SPAG16: variants seen among roughly 807,000 people sequenced by gnomAD.
SPAG16 encodes sperm associated antigen 16.
Under a neutral mutation model 80.4 loss-of-function variants are expected in SPAG16, and 86 were observed. The ratio of observed to expected loss-of-function variants is 1.07; its 90% CI spans 0.90 to 1.28. The LOEUF is 1.28. Among genes scored for constraint, SPAG16 ranks in the 50% most tolerant of loss-of-function variants. SPAG16 has a pLI of 0.00. For missense variants in SPAG16, 870 were observed against 765.3 expected (o/e 1.14, Z -1.61); for synonymous variants, 294 against 265.9 (o/e 1.11, Z -1.03).
rs2077254195 is a variant in SPAG16, at chr2:213,902,370, T to C, written c.1215-27590T>C. 2.0e-5 allele frequency among the ~76,000 whole-genome samples: 3 copies of C among 152,312 alleles called. 1 individual carries two copies. The highest frequency in any genetic ancestry group is 7.2e-5 in the African/African-American group (3 of 41,564). Reference sequence around the variant, plus strand: ...GAAGAAAAAGAGGTTTAATTGGACTTACAGTTCCACATGGCTGAGGAGGCC... The same window carrying C: ...GAAGAAAAAGAGGTTTAATTGGACTCACAGTTCCACATGGCTGAGGAGGCC... On this transcript the variant is annotated intron_variant, in intron 11 of 15. Coordinates refer to ENST00000331683, the MANE Select transcript of SPAG16 (RefSeq NM_024532.5).
chr2:213,451,167 T>C lies in SPAG16; in HGVS notation c.943-38796T>C, dbSNP rs998035101. Among the ~76,000 whole-genome samples, 6 of 152,226 alleles carry C rather than the reference T, an allele frequency of 3.9e-5. No homozygotes were observed. The East Asian group carries it at 1.2e-3, about 29-fold the overall frequency. ...CTTTCATGAGTATTATCTCATTATG[T>C]ATATAAATAGGTTATGATATTTATT... On this transcript the variant is annotated intron_variant, in intron 9 of 15. Transcript: ENST00000331683.
intron 5 of SPAG16, among the ~76,000 whole-genome samples, chr2:213,324,859 A>C (rs2063775379): frequency 1.3e-5 from 2 of 152,098 alleles, no homozygotes. Context: ...TCTCAGTAGG[A>C]ATACATGCGA....
intron 15 of SPAG16, among the ~76,000 whole-genome samples, chr2:214,368,648 A>G (rs951234238): frequency 1.3e-5 from 2 of 152,056 alleles, no homozygotes; most frequent in Non-Finnish European, 2.9e-5. Flanking sequence ...CCTAGTCCAT[A>G]GTTACCCTCT....
chr2:213,573,780 T>A (rs1014909938), intron 10 of SPAG16, among the ~76,000 whole-genome samples: 5 of 152,204 alleles, frequency 3.3e-5, no homozygotes, highest in Admixed American at 2.6e-4. Flanking sequence ...AAACAAAGAT[T>A]TGATAATTTT....
At position 214,355,441 on chromosome 2, in the gene SPAG16, A is replaced by G. The variant is rs952589803; in HGVS notation, c.1721-54699A>G. ...GAAAAAATGTTCACCATCACTGGCC[A>G]TCAGAGAAATGCAAATCAAAACCAC... On this transcript the variant is annotated intron_variant, in intron 15 of 15. Transcript: ENST00000331683. Among the ~76,000 whole-genome samples, 25 of 145,838 alleles carry G rather than the reference A, an allele frequency of 1.7e-4. No individual in the cohort carries two copies. In the Middle Eastern group the frequency reaches 0.014, roughly 80 times the overall value.
intron 14 of SPAG16, among the ~76,000 whole-genome samples, chr2:214,128,483 T>A (rs906976136): frequency 3.9e-5 from 6 of 151,964 alleles, no homozygotes; most frequent in Non-Finnish European, 8.8e-5. Context: ...CCCTAACCCT[T>A]CTTATATTTA....
intron 14 of SPAG16, among the ~76,000 whole-genome samples, chr2:214,120,380 G>T (rs1480363796): frequency 1.3e-5 from 2 of 151,316 alleles, no homozygotes; most frequent in African/African-American, 4.8e-5. Flanking sequence ...TTTCAACTTT[G>T]TCCATCCTTG....
chr2:214,087,025 T>C (rs911546917), intron 13 of SPAG16, among the ~76,000 whole-genome samples: 73 of 143,076 alleles, frequency 5.1e-4, no homozygotes, highest in African/African-American at 1.6e-3. Flanking sequence ...GTTTACACTT[T>C]CTTGTGATTT....
intron 15 of SPAG16, among the ~76,000 whole-genome samples, chr2:214,176,385 A>G (rs1471556756): frequency 6.6e-6 from 1 of 151,284 alleles, no homozygotes; most frequent in Non-Finnish European, 1.5e-5. Flanking sequence ...GAATATCATA[A>G]AACTTACAAT....
intron 15 of SPAG16, among the ~76,000 whole-genome samples, chr2:214,371,425 G>A (rs188134551): frequency 2.4e-4 from 36 of 151,106 alleles, no homozygotes; most frequent in African/African-American, 5.8e-4. Flanking sequence ...CCAGCTACTC[G>A]GGAGTCTGAG....
At chr2:214,278,271 C>G (rs1316607769) in intron 15 of SPAG16, among the ~76,000 whole-genome samples, 1 of 152,200 alleles carries the variant, frequency 6.6e-6, no homozygotes, top group African/African-American at 2.4e-5. Context: ...CTGGCACTTC[C>G]CGGGTGAGGT....
chr2:214,205,083 G>C (rs1050006488), intron 15 of SPAG16, among the ~76,000 whole-genome samples: 1 of 151,976 alleles, frequency 6.6e-6, no homozygotes, highest in Non-Finnish European at 1.5e-5. Flanking sequence ...ACAAAAATTA[G>C]CTGAGCATGT....
chr2:213,746,024 G>C (rs1053286966), intron 10 of SPAG16, among the ~76,000 whole-genome samples: 2 of 152,142 alleles, frequency 1.3e-5, no homozygotes. Flanking sequence ...TGAAATGAAT[G>C]ATCAACATTT....
intron 10 of SPAG16, among the ~76,000 whole-genome samples, chr2:213,552,072 T>C (rs942505714): frequency 4.6e-5 from 7 of 152,166 alleles, no homozygotes; most frequent in Admixed American, 3.9e-4. Flanking sequence ...AAATAGGAAG[T>C]AGGAAATAAG....
At chr2:214,071,897 A>G (rs193042897) in intron 13 of SPAG16, among the ~76,000 whole-genome samples, 76 of 152,296 alleles carry the variant, frequency 5.0e-4, no homozygotes, top group African/African-American at 1.8e-3. Flanking sequence ...TCATTAACTC[A>G]AAAGAGAAAT....
chr2:213,388,189 G>A (rs973940822), intron 9 of SPAG16, among the ~76,000 whole-genome samples: 1 of 152,162 alleles, frequency 6.6e-6, no homozygotes, highest in Non-Finnish European at 1.5e-5. Context: ...GCCTGGGTGG[G>A]CAAAAAGCAT....
At chr2:213,788,295 T>A (rs2070467734) in intron 10 of SPAG16, among the ~76,000 whole-genome samples, 1 of 151,932 alleles carries the variant, frequency 6.6e-6, no homozygotes, top group Non-Finnish European at 1.5e-5. Context: ...ATGGTCATAA[T>A]AACCTATAAA....
intron 8 of SPAG16, 43 bp downstream of exon 8, chr2:213,364,188 G>A (rs1201755744): frequency 4.9e-6 from 6 of 1,230,634 alleles, no homozygotes; most frequent in Non-Finnish European, 6.6e-6. Context: ...ATATAGTTTG[G>A]TGATTTCTCA....
chr2:214,294,782 G>C (rs1694021372), intron 15 of SPAG16, among the ~76,000 whole-genome samples: 1 of 152,186 alleles, frequency 6.6e-6, no homozygotes, highest in African/African-American at 2.4e-5. Flanking sequence ...CTTCCCCAAA[G>C]AAGAGAGTTT....
Sources: gnomAD v4.1 joint callset for allele counts (sites outside exome capture counted in the v4.1 genomes callset) on GRCh38, gnomAD v4.1.1 for gene constraint, MANE v1.5 for transcripts, NCBI Gene and HGNC (gene_info 2026-07-23, HGNC 2026-07-21) for gene names.